DAB1: variants seen among roughly 807,000 people sequenced by gnomAD.
The protein encoded by DAB1 is disabled homolog 1.
In DAB1, 15 loss-of-function variants were observed where a neutral mutation model predicts 64.6. The observed-to-expected ratio is 0.23, with a 90% CI of 0.16 to 0.36. The LOEUF (loss-of-function observed/expected upper bound fraction) is 0.36. Ranked by LOEUF, DAB1 falls within the 10% of genes least tolerant of loss-of-function variation. DAB1 has a pLI of 1.00. For synonymous variants in DAB1, 235 were observed against 251.9 expected (o/e 0.93, Z 0.64); for missense variants, 596 against 706.7 (o/e 0.84, Z 1.78).
intron 4 of DAB1, among the ~76,000 whole-genome samples, chr1:57,089,591 T>C (rs1466631673): frequency 6.6e-6 from 1 of 151,936 alleles, no homozygotes; most frequent in Non-Finnish European, 1.5e-5. Flanking sequence ...ATGGGGGAGC[T>C]GCCACATACT....
chr1:57,711,805 C>T (rs902755278), intron 6 of DAB1, among the ~76,000 whole-genome samples: 3 of 152,094 alleles, frequency 2.0e-5, no homozygotes, highest in African/African-American at 7.2e-5. Context: ...TGAAGGCAAA[C>T]TGATTTTTAA....
At chr1:58,148,072 G>C (rs1368626743) in intron 5 of DAB1, among the ~76,000 whole-genome samples, 1 of 151,596 alleles carries the variant, frequency 6.6e-6, no homozygotes. Context: ...TGAAACCAGG[G>C]AAAGTATTGA....
intron 3 of DAB1, among the ~76,000 whole-genome samples, chr1:58,438,360 C>T (rs1054827161): frequency 6.6e-6 from 1 of 152,166 alleles, no homozygotes; most frequent in African/African-American, 2.4e-5. Context: ...GACTGCTTCT[C>T]TGGGGAAATG....
At chr1:58,072,282 G>T (rs568898536) in intron 5 of DAB1, among the ~76,000 whole-genome samples, 16 of 152,028 alleles carry the variant, frequency 1.1e-4, no homozygotes, top group African/African-American at 3.9e-4. Flanking sequence ...TATTTATTTT[G>T]GGCCATTCAT....
At chr1:58,517,676 G>A (rs1646178593) in intron 2 of DAB1, among the ~76,000 whole-genome samples, 1 of 152,108 alleles carries the variant, frequency 6.6e-6, no homozygotes, top group African/African-American at 2.4e-5. Flanking sequence ...AAGATATTAT[G>A]TATCCCTATA....
intron 5 of DAB1, among the ~76,000 whole-genome samples, chr1:57,898,939 C>T (rs1049310172): frequency 6.6e-6 from 1 of 151,944 alleles, no homozygotes. Context: ...ATATTCCTTG[C>T]CATTTAGGGG....
chr1:57,366,273 T>G (rs1165432163), intron 1 of DAB1, among the ~76,000 whole-genome samples: 1 of 152,262 alleles, frequency 6.6e-6, no homozygotes, highest in Admixed American at 6.5e-5. Flanking sequence ...AACCTACACA[T>G]AAGCTACAAA....
chr1:57,532,164 G>A (rs1644670323), intron 7 of DAB1, among the ~76,000 whole-genome samples: 1 of 152,084 alleles, frequency 6.6e-6, no homozygotes, highest in Non-Finnish European at 1.5e-5. Flanking sequence ...AAACTATCAG[G>A]TAACATTTCT....
Position 57,059,428 on chromosome 1 carries a change from T to C in DAB1, c.723+3456A>G, listed in dbSNP as rs540503503. Among the ~76,000 whole-genome samples the C allele has an allele frequency of 1.9e-3, 295 of 152,160 alleles. 2 individuals carry two copies. Among genetic ancestry groups the C allele is most frequent in the Middle Eastern group, 6.3e-3 (2 of 316 alleles). ...AGTTTCTCTTCTTATGGGAAATTTG[T>C]GGAAGTCTTACGACTTTCTGGAAGC... On this transcript the variant is annotated intron_variant, in intron 9 of 14. Transcript: ENST00000371236.
chr1:57,873,298 T>G (rs1390772393), intron 1 of DAB1, among the ~76,000 whole-genome samples: 2 of 152,206 alleles, frequency 1.3e-5, no homozygotes, highest in Non-Finnish European at 2.9e-5. Context: ...TGTCTTGTTC[T>G]TTTTTAAAAA....
chr1:58,508,221 C>A (rs1028215038), intron 2 of DAB1, among the ~76,000 whole-genome samples: 46 of 152,144 alleles, frequency 3.0e-4, no homozygotes, highest in Admixed American at 2.9e-3. Flanking sequence ...TTGAGTTTGT[C>A]TGTACTTCTC....
At chr1:57,498,875 G>GCT (rs1314343058) in intron 7 of DAB1, among the ~76,000 whole-genome samples, 1 of 152,194 alleles carries the variant, frequency 6.6e-6, no homozygotes, top group African/African-American at 2.4e-5. Context: ...TGTTTCAAAG[G>GCT]CTATGTGAAC....
chr1:58,379,476 T>C (rs1423794870), intron 3 of DAB1, among the ~76,000 whole-genome samples: 1 of 152,214 alleles, frequency 6.6e-6, no homozygotes, highest in African/African-American at 2.4e-5. Context: ...CACTGGAAAC[T>C]CTAATTAGCT....
At chr1:58,151,181 G>A (rs1378263127) in intron 4 of DAB1, among the ~76,000 whole-genome samples, 3 of 152,184 alleles carry the variant, frequency 2.0e-5, no homozygotes, top group Admixed American at 2.0e-4. Flanking sequence ...ATAGCAGCAT[G>A]ATTTATAATC....
intron 5 of DAB1, among the ~76,000 whole-genome samples, chr1:57,893,820 C>G (rs1169373682): frequency 1.3e-5 from 2 of 152,064 alleles, no homozygotes; most frequent in African/African-American, 4.8e-5. Context: ...GGCAGGCTCT[C>G]TATAGATAGG....
At chr1:57,857,474 T>C (rs1653804726) in intron 1 of DAB1, among the ~76,000 whole-genome samples, 1 of 152,218 alleles carries the variant, frequency 6.6e-6, no homozygotes. Context: ...AAGAGCTTTC[T>C]GTGTGCCAGA....
At chr1:57,037,340 C>T (rs968269986) in intron 9 of DAB1, among the ~76,000 whole-genome samples, 2 of 152,126 alleles carry the variant, frequency 1.3e-5, no homozygotes, top group Non-Finnish European at 2.9e-5. Context: ...ACTGGAGATA[C>T]CTAGATGAAT....
At chr1:57,741,552 G>A (rs1238292701) in intron 6 of DAB1, among the ~76,000 whole-genome samples, 1 of 152,178 alleles carries the variant, frequency 6.6e-6, no homozygotes, top group African/African-American at 2.4e-5. Flanking sequence ...AGGAAGTGAT[G>A]TCAGTTTCCC....
At chr1:58,129,079 T>C (rs1373887208) in intron 5 of DAB1, among the ~76,000 whole-genome samples, 1 of 146,844 alleles carries the variant, frequency 6.8e-6, no homozygotes, top group East Asian at 2.1e-4. Flanking sequence ...TGTGAATCCA[T>C]CTGGTCCTGG....
Sources: gnomAD v4.1 joint callset for allele counts (sites outside exome capture counted in the v4.1 genomes callset) on GRCh38, gnomAD v4.1.1 for gene constraint, MANE v1.5 for transcripts, NCBI Gene and HGNC (gene_info 2026-07-23, HGNC 2026-07-21) for gene names.